The following MROH1 variants were observed in gnomAD, a reference collection of about 807,000 sequenced individuals.
The protein encoded by MROH1 is maestro heat-like repeat-containing protein family member 1.
In MROH1, 117 loss-of-function variants were observed where a neutral mutation model predicts 116.5. The observed-to-expected ratio is 1.00, with a 90% CI of 0.86 to 1.17. The LOEUF (loss-of-function observed/expected upper bound fraction) is 1.17. MROH1 is among the 50% of genes most tolerant of loss of function. The pLI, the probability that MROH1 is intolerant of heterozygous loss-of-function variation, is 0.00. For missense variants in MROH1, 1,873 were observed against 1,338.5 expected, an observed-to-expected ratio of 1.40 and a Z score of -6.23; for synonymous variants, 921 against 583.9, an observed-to-expected ratio of 1.58 and a Z score of -8.32.
rs1481283777 is a variant in MROH1, at chr8:144,239,175, C to T, written c.1587C>T (p.Ala529=). 5.2e-6 allele frequency: 4 copies of T among 763,144 alleles called. No homozygotes were observed. Among genetic ancestry groups the T allele is most frequent in the African/African-American group, 5.1e-5 (3 of 58,932 alleles). The allele number at this position is 763,144 out of a possible 1,614,324, so 47.3% of individuals were successfully genotyped here. The change falls in exon 16 of 44, where the codon GCC becomes GCT. Residue 529 remains alanine (A), a synonymous_variant. Coordinates refer to ENST00000326134, the MANE Select transcript of MROH1 (RefSeq NM_032450.3). ...ACGCCTTCCTCATCCAGTACGACGC[C>T]CATGGTGCGTGCCGCGCCGTACCCC... ...GADAFLIQYD[A]HASLPSPYAV... is the part of the protein sequence containing the mutation.
At chr8:144,233,865 G>T (rs1588389874) in intron 14 of MROH1, among the ~76,000 whole-genome samples, 1 of 152,280 alleles carries the variant, frequency 6.6e-6, no homozygotes, top group East Asian at 1.9e-4. Flanking sequence ...TCTTTTTCAA[G>T]ATCATTTGGC....
chr8:144,191,473 GGC>G (rs886737142), intron 8 of MROH1, among the ~76,000 whole-genome samples: 2 of 152,136 alleles, frequency 1.3e-5, no homozygotes, highest in Non-Finnish European at 2.9e-5. Context: ...TCTGCCCAGA[GGC>G]CCAGTGCTGC....
chr8:144,149,365 C>G, intron 1 of MROH1, among the ~76,000 whole-genome samples: 1 of 152,088 alleles, frequency 6.6e-6, no homozygotes, highest in Non-Finnish European at 1.5e-5. Context: ...TTGAAACTGA[C>G]GTGCAGGCCG....
At chr8:144,242,231 G>A (rs951680247) in intron 22 of MROH1, 138 bp from the exon 23 acceptor site, 7 of 762,866 alleles carry the variant, frequency 9.2e-6, no homozygotes, top group East Asian at 4.9e-5. Context: ...TGCCGTGCAC[G>A]GCTGGGTCAC....
intron 12 of MROH1, among the ~76,000 whole-genome samples, chr8:144,216,684 CTTTTTTTTTTTT>C (rs71320815): frequency 0.84 from 120,927 of 143,676 alleles, 51,111 homozygotes; most frequent in East Asian, 1. Flanking sequence ...TTTTTTACTG[CTTTTTTTTTTTT>C]TTTTTTTTTT....
intron 12 of MROH1, among the ~76,000 whole-genome samples, chr8:144,208,162 T>C (rs569188196): frequency 1.5e-4 from 23 of 152,178 alleles, no homozygotes; most frequent in Non-Finnish European, 2.6e-4. Context: ...CAGGCTGGTC[T>C]CAAACTCCTG....
intron 18 of MROH1, 148 bp downstream of exon 18, chr8:144,239,903 C>G (rs1840678028): frequency 1.5e-6 from 1 of 677,360 alleles, no homozygotes; most frequent in South Asian, 1.7e-5. Flanking sequence ...ATACAGTCTC[C>G]CCTGTTGTCC....
At chr8:144,166,503 G>A (rs1554780949) in intron 3 of MROH1, among the ~76,000 whole-genome samples, 1 of 152,308 alleles carries the variant, frequency 6.6e-6, no homozygotes, top group South Asian at 2.1e-4. Flanking sequence ...GACTGTGTGC[G>A]GGGCCAGGAT....
intron 1 of MROH1, among the ~76,000 whole-genome samples, chr8:144,155,482 T>C (rs1817808969): frequency 1.3e-5 from 2 of 152,302 alleles, no homozygotes; most frequent in South Asian, 4.1e-4. Context: ...ACTACGTTTG[T>C]CCATAAGTTT....
chr8:144,207,577 C>T (rs1162238950), intron 12 of MROH1, among the ~76,000 whole-genome samples: 1 of 152,120 alleles, frequency 6.6e-6, no homozygotes, highest in Non-Finnish European at 1.5e-5. Context: ...GTGATCATAG[C>T]TTACCACATC....
At chr8:144,200,728 C>T in intron 12 of MROH1, 187 bp downstream of exon 12, 2 of 583,960 alleles carry the variant, frequency 3.4e-6, no homozygotes, top group Non-Finnish European at 6.2e-6. Flanking sequence ...ACCTTTCTAC[C>T]CTTCGCCATA....
chr8:144,258,886 C>A lies in MROH1; in HGVS notation c.3901C>A (p.His1301Asn). 1.3e-6 allele frequency: 1 copy of A among 762,468 alleles called. No individual in the cohort carries two copies. The highest frequency in any genetic ancestry group is 2.4e-6 in the Non-Finnish European group (1 of 410,850). The allele number at this position is 762,468 out of a possible 1,614,324, so 47.2% of individuals were successfully genotyped here. A position where few individuals can be genotyped will look rare whatever the true frequency, so the allele number is the denominator to read the frequency against. ...GGAACTGCTCAGGACCTCGGCGGGGCATGAGGAGGGGGCCACCAGGTTGGC... is the reference window on the plus strand; with the variant it reads ...GGAACTGCTCAGGACCTCGGCGGGGAATGAGGAGGGGGCCACCAGGTTGGC... ...GWELLRTSAG[H>N]EEGATRLARA... The change falls in exon 36 of 44, where the codon CAT becomes AAT. Residue 1301 changes from histidine to asparagine, a missense_variant. His to Asn is a moderately conservative substitution (Grantham distance 68). Transcript: ENST00000326134.
At chr8:144,168,797 C>T (rs531625465) in intron 4 of MROH1, among the ~76,000 whole-genome samples, 23 of 152,330 alleles carry the variant, frequency 1.5e-4, no homozygotes, top group African/African-American at 5.3e-4. Context: ...CTGAGAGAAT[C>T]TCATCAACCC....
In MROH1 at chr8:144,243,917, G is replaced by T. The variant is rs1841431146; in HGVS notation, c.2530G>T (p.Ala844Ser). The T allele has an allele frequency of 2.6e-6, 2 of 780,514 alleles. No homozygotes were observed. Among genetic ancestry groups the T allele is most frequent in the African/African-American group, 1.7e-5 (1 of 59,270 alleles). 48.3% of individuals were successfully genotyped at this position (780,514 alleles called of 1,614,324 possible). Residue 844 changes from alanine (A) to serine (S), a missense_variant, in exon 26 of 44, where the codon GCC becomes TCC. By Grantham distance (99) the Ala-to-Ser change is moderately conservative. Coordinates refer to ENST00000326134, the MANE Select transcript of MROH1 (RefSeq NM_032450.3). Reference sequence around the variant, plus strand: ...CTTGAGGACACCTATTCGGAAGAAAGCCATGCTCACCTGCACTTACTTGGT... The same window carrying T: ...CTTGAGGACACCTATTCGGAAGAAATCCATGCTCACCTGCACTTACTTGGT... ...DSLRTPIRKK[A>S]MLTCTYLVSV...
Position 144,226,476 on chromosome 8 carries a change from G to A in MROH1, c.1338+3246G>A, listed in dbSNP as rs375844556. ...TTACGTTGTTCTTTTTTTTTGAGAC[G>A]GAGTCTTGCTCTATTACTCAGGCTG... On this transcript the variant is annotated intron_variant, in intron 14 of 43. Coordinates refer to ENST00000326134, the MANE Select transcript of MROH1 (RefSeq NM_032450.3). Among the ~76,000 whole-genome samples the A allele has an allele frequency of 2.8e-4, 42 of 151,706 alleles. 1 individual carries two copies. The South Asian group carries it at 6.7e-3, about 24-fold the overall frequency.
intron 12 of MROH1, among the ~76,000 whole-genome samples, chr8:144,202,417 CTG>C (rs1324210566): frequency 1.4e-5 from 2 of 141,118 alleles, no homozygotes; most frequent in Non-Finnish European, 3.1e-5. Flanking sequence ...AGCACCAGCT[CTG>C]TGTGGAGGGG....
intron 8 of MROH1, 84 bp from the exon 9 acceptor site, chr8:144,191,627 ACGTC>A: frequency 2.6e-6 from 4 of 1,518,894 alleles, no homozygotes; most frequent in Non-Finnish European, 3.5e-6. Flanking sequence ...GTGTTCGTTC[ACGTC>A]CGTCACGGGT....
At chr8:144,175,900 T>C (rs1025018767) in intron 4 of MROH1, among the ~76,000 whole-genome samples, 3 of 151,778 alleles carry the variant, frequency 2.0e-5, no homozygotes, top group African/African-American at 7.3e-5. Flanking sequence ...AATACAAAAA[T>C]TATCCAGGCG....
At chr8:144,174,565 C>A (rs935092451) in intron 4 of MROH1, among the ~76,000 whole-genome samples, 4 of 151,636 alleles carry the variant, frequency 2.6e-5, no homozygotes, top group Admixed American at 2.0e-4. Context: ...CTTACTGCAG[C>A]CTTGATCTCC....
Sources: allele counts gnomAD v4.1 joint callset (sites outside exome capture counted in the v4.1 genomes callset), GRCh38; gene constraint gnomAD v4.1.1; transcripts MANE v1.5; gene names NCBI Gene and HGNC (gene_info 2026-07-23, HGNC 2026-07-21).